SP100: variants seen among roughly 807,000 people sequenced by gnomAD.
SP100 encodes SP100 nuclear body protein, also known as nuclear autoantigen Sp-100.
In SP100, 84 loss-of-function variants were observed where a neutral mutation model predicts 130.0. The observed-to-expected ratio is 0.65, with a 90% confidence interval of 0.54 to 0.77. SP100 has a LOEUF of 0.77. Among genes scored for constraint, SP100 ranks in the 30% least tolerant of loss-of-function variants. The pLI is 0.00. For synonymous variants in SP100, 331 were observed against 351.7 expected (o/e 0.94, Z 0.66); for missense variants, 978 against 1,052.2 (o/e 0.93, Z 0.97).
chr2:230,431,377 T>C (rs1259138130), intron 2 of SP100, among the ~76,000 whole-genome samples: 1 of 152,232 alleles, frequency 6.6e-6, no homozygotes, highest in Non-Finnish European at 1.5e-5. Flanking sequence ...GGAAAACCTC[T>C]TGGTGTGGTG....
intron 24 of SP100, among the ~76,000 whole-genome samples, chr2:230,527,050 A>T (rs1290623236): frequency 6.6e-6 from 1 of 152,198 alleles, no homozygotes; most frequent in Non-Finnish European, 1.5e-5. Flanking sequence ...ACAGACCAAC[A>T]TTCAAATCCA....
At chr2:230,504,459 G>T (rs925172906) in intron 21 of SP100, among the ~76,000 whole-genome samples, 169 bp downstream of exon 21, 1 of 152,178 alleles carries the variant, frequency 6.6e-6, no homozygotes, top group African/African-American at 2.4e-5. Context: ...TACAGCTAGG[G>T]TTTATGAGAG....
intron 3 of SP100, among the ~76,000 whole-genome samples, chr2:230,443,541 A>G (rs2063553153): frequency 1.3e-5 from 2 of 152,346 alleles, no homozygotes; most frequent in South Asian, 2.1e-4. Flanking sequence ...TGGGAACATT[A>G]AAACCCACAG....
chr2:230,446,586 T>C (rs900194438), intron 4 of SP100, among the ~76,000 whole-genome samples: 5 of 152,234 alleles, frequency 3.3e-5, no homozygotes, highest in Admixed American at 1.3e-4. Flanking sequence ...ATGTTTCCAT[T>C]ACTCCTTTAT....
At chr2:230,435,456 T>A (rs2063232195) in intron 2 of SP100, among the ~76,000 whole-genome samples, 1 of 152,264 alleles carries the variant, frequency 6.6e-6, no homozygotes, top group Admixed American at 6.5e-5. Flanking sequence ...TTTTAACCTA[T>A]TAAGAGAAAT....
chr2:230,478,048 T>A (rs1464903978), intron 17 of SP100, among the ~76,000 whole-genome samples: 1 of 152,186 alleles, frequency 6.6e-6, no homozygotes, highest in Non-Finnish European at 1.5e-5. Context: ...AAAAATTTTT[T>A]TGTACAATTC....
chr2:230,461,566 G>A (rs2064636988), intron 9 of SP100, 152 bp downstream of exon 9: 2 of 710,442 alleles, frequency 2.8e-6, no homozygotes, highest in East Asian at 5.3e-5. Flanking sequence ...TGAGTCTTCA[G>A]CTTGACAGAA....
rs534239970 is a variant in SP100 at position 230,542,000 on chromosome 2, C to T, written c.2512C>T (p.Arg838Cys). The T allele has an allele frequency of 3.1e-5, 50 of 1,613,700 alleles. No homozygotes were observed. The South Asian group carries it at 3.2e-4, about 10-fold the overall frequency. ...TRVEGFVQDM[R>C]LIFHNHKEFY... ...AGTAGAAGGGTTTGTGCAGGACATGCGTCTCATCTTTCATAACCACAAGGA... is the reference window on the plus strand; with the variant it reads ...AGTAGAAGGGTTTGTGCAGGACATGTGTCTCATCTTTCATAACCACAAGGA... The change falls in exon 28 of 29, where the codon CGT becomes TGT. Residue 838 changes from arginine to cysteine, a missense_variant. Arg to Cys is a radical substitution (Grantham distance 180). Coordinates refer to ENST00000340126, the MANE Select transcript of SP100 (RefSeq NM_001080391.2).
chr2:230,443,951 C>G (rs2063576413), intron 3 of SP100, among the ~76,000 whole-genome samples: 1 of 152,132 alleles, frequency 6.6e-6, no homozygotes, highest in African/African-American at 2.4e-5. Flanking sequence ...CTTTTTGCAT[C>G]TAATGTAAAT....
chr2:230,499,615 A>C (rs2066901673), intron 19 of SP100, among the ~76,000 whole-genome samples: 1 of 149,120 alleles, frequency 6.7e-6, no homozygotes, highest in African/African-American at 2.5e-5. Context: ...CTGTTCCCTC[A>C]GTGAGAGTAT....
intron 15 of SP100, chr2:230,470,461 C>T: frequency 1.0e-6 from 1 of 975,900 alleles, no homozygotes; most frequent in African/African-American, 1.8e-5. Flanking sequence ...ATTGTAAAGC[C>T]TCAAAAGACA....
At chr2:230,501,455 T>C (rs2067017731) in intron 19 of SP100, among the ~76,000 whole-genome samples, 1 of 152,206 alleles carries the variant, frequency 6.6e-6, no homozygotes, top group Non-Finnish European at 1.5e-5. Flanking sequence ...AAATGTCTGA[T>C]GGTACCATTT....
chr2:230,544,750 G>A lies in SP100; in HGVS notation c.*1804G>A, dbSNP rs1470106146. ...CCCACCTCGGCCTCCCAAAGTGCTG[G>A]GATTACAGGCATCAGCCACCATGCC... On this transcript the variant is annotated 3_prime_UTR_variant, in exon 29 of 29. Transcript: ENST00000340126. 6.6e-6 allele frequency among the ~76,000 whole-genome samples: 1 copy of A among 152,112 alleles called. No homozygotes were observed. The highest frequency in any genetic ancestry group is 1.5e-5 in the Non-Finnish European group (1 of 68,020).
intron 24 of SP100, chr2:230,515,840 C>A (rs778408116): frequency 2.3e-5 from 32 of 1,381,116 alleles, no homozygotes; most frequent in Non-Finnish European, 2.7e-5. Context: ...TAGCCACTAA[C>A]CTTTGCCTGG....
chr2:230,468,817 CAAAAA>C (rs10617635), intron 13 of SP100: 55 of 149,736 alleles, frequency 3.7e-4, no homozygotes, highest in East Asian at 1.1e-3. Context: ...GACCCTGTCT[CAAAAA>C]AAAAAAAAAA....
intron 24 of SP100, among the ~76,000 whole-genome samples, chr2:230,527,868 C>T (rs989753430): frequency 6.6e-6 from 1 of 151,982 alleles, no homozygotes; most frequent in Non-Finnish European, 1.5e-5. Flanking sequence ...ATCAGTTCAA[C>T]AAGAAGAGCT....
At chr2:230,448,668 G>C (rs191795426) in intron 5 of SP100, among the ~76,000 whole-genome samples, 96 of 152,344 alleles carry the variant, frequency 6.3e-4, no homozygotes, top group African/African-American at 1.9e-3. Context: ...TCATGGAAAA[G>C]CCAATGAGAA....
At chr2:230,535,906 C>CAAAAAAAAAAAAAAAAAAA (rs34684038) in intron 24 of SP100, among the ~76,000 whole-genome samples, 3 of 47,598 alleles carry the variant, frequency 6.3e-5, no homozygotes, top group African/African-American at 2.2e-4. Flanking sequence ...GACTCCATCT[C>CAAAAAAAAAAAAAAAAAAA]AAAAAAAAAA....
chr2:230,479,747 C>G (rs931685229), intron 17 of SP100, among the ~76,000 whole-genome samples: 1 of 152,224 alleles, frequency 6.6e-6, no homozygotes, highest in African/African-American at 2.4e-5. Flanking sequence ...GAGATTTTGG[C>G]CAAGCCCATG....
Sources: allele counts gnomAD v4.1 joint callset (sites outside exome capture counted in the v4.1 genomes callset), GRCh38; gene constraint gnomAD v4.1.1; transcripts MANE v1.5; gene names NCBI Gene and HGNC (gene_info 2026-07-23, HGNC 2026-07-21).